Variants in LDHC observed in about 807,000 individuals in gnomAD.
LDHC encodes the protein L-lactate dehydrogenase C chain.
A neutral mutation model predicts 30.2 loss-of-function variants in LDHC; 20 were observed. The ratio of observed to expected loss-of-function variants is 0.66; its 90% CI spans 0.47 to 0.96. The LOEUF (loss-of-function observed/expected upper bound fraction) is 0.96. Among genes scored for constraint, LDHC ranks in the 40% least tolerant of loss-of-function variants. The probability of loss-of-function intolerance (pLI) is 0.00; values close to 1 mark genes in which losing one functional copy is unlikely to be tolerated. For synonymous variants in LDHC, 139 were observed against 132.7 expected (o/e 1.05, Z -0.32); for missense variants, 362 against 394.9 (o/e 0.92, Z 0.71).
intron 5 of LDHC, 114 bp downstream of exon 5, chr11:18,435,027 G>T: frequency 3.2e-6 from 2 of 629,602 alleles, no homozygotes; most frequent in South Asian, 3.3e-5. Context: ...TAATTTTTTT[G>T]GTATTTCCCT....
In LDHC at chr11:18,438,508, T is replaced by C. The variant is rs753741213; in HGVS notation, c.593-20T>C. On this transcript the variant is annotated intron_variant, in intron 5 of 7. Coordinates refer to ENST00000541669, the MANE Select transcript of LDHC (RefSeq NM_017448.5). The stretch of plus-strand genomic sequence containing the variant: ...GCCATATTGGGAAGAAGAGTTTATT[T>C]TGAGATCTGTATTTTTTAGTGCCCT... 2.0e-6 allele frequency: 3 copies of C among 1,482,538 alleles called. No homozygotes were observed. Among genetic ancestry groups the C allele is most frequent in the South Asian group, 1.1e-5 (1 of 87,346 alleles). The allele number at this position is 1,482,538 out of a possible 1,614,324, so 91.8% of individuals were successfully genotyped here.
chr11:18,417,364 T>C (rs1384201953), intron 3 of LDHC, among the ~76,000 whole-genome samples: 2 of 152,218 alleles, frequency 1.3e-5, no homozygotes, highest in Non-Finnish European at 2.9e-5. Flanking sequence ...AAAGTGTTCA[T>C]GAAGCAGTCT....
intron 6 of LDHC, among the ~76,000 whole-genome samples, chr11:18,440,792 ATGG>A (rs1221203369): frequency 1.9e-4 from 2 of 10,528 alleles, no homozygotes; most frequent in Non-Finnish European, 2.3e-4. Flanking sequence ...TTAGCCAGGC[ATGG>A]TGGTATGTCT....
chr11:18,420,037 A>G (rs1867089169), intron 3 of LDHC, among the ~76,000 whole-genome samples: 1 of 152,110 alleles, frequency 6.6e-6, no homozygotes, highest in African/African-American at 2.4e-5. Context: ...GTTGCAGTGA[A>G]CTGAGATGGC....
Position 18,446,150 on chromosome 11 carries a change from TTA to T in LDHC, c.711-58_711-57del, listed in dbSNP as rs928031463. The stretch of plus-strand genomic sequence containing the variant: ...CTTTAAAATGGATGCTTGAAGAATA[TTA>T]TGTTTTCTCTGGGTTGACTTATTAT... On this transcript the variant is annotated intron_variant, in intron 6 of 7. Transcript: ENST00000541669. 8.2e-5 allele frequency: 114 copies of T among 1,390,024 alleles called. 3 individuals are homozygous for T. In the Middle Eastern group the frequency reaches 8.9e-4, roughly 11 times the overall value. The allele number at this position is 1,390,024 out of a possible 1,614,324, so 86.1% of individuals were successfully genotyped here. A position where few individuals can be genotyped will look rare whatever the true frequency, so the allele number is the denominator to read the frequency against.
At chr11:18,441,358 G>A (rs922256461) in intron 6 of LDHC, among the ~76,000 whole-genome samples, 11 of 151,144 alleles carry the variant, frequency 7.3e-5, no homozygotes, top group African/African-American at 1.9e-4. Context: ...TTGCTTTGTC[G>A]CCAGGCTGGA....
chr11:18,425,232 A>G (rs1462031977), intron 3 of LDHC, among the ~76,000 whole-genome samples: 1 of 151,918 alleles, frequency 6.6e-6, no homozygotes, highest in Non-Finnish European at 1.5e-5. Flanking sequence ...GCTAGAGTTC[A>G]GGGGTGTGAT....
In LDHC at chr11:18,446,315, A is replaced by G. The variant is rs1226938805; in HGVS notation, c.816A>G (p.Pro272=). 2 of 1,606,488 alleles carry G rather than the reference A, an allele frequency of 1.2e-6. No homozygotes were observed. The highest frequency in any genetic ancestry group is 1.7e-6 in the Non-Finnish European group (2 of 1,173,542). ...TGAAAAATCTTAGGAGAGTGCACCC[A>G]GTTTCCACCATGGTTAAGGTAGGCT... is the stretch of plus-strand genomic sequence containing the variant. ...SILKNLRRVH[P]VSTMVKGLYG... is the part of the protein sequence containing the mutation. Residue 272 remains proline, a synonymous_variant, in exon 7 of 8, where the codon CCA becomes CCG. Transcript: ENST00000541669.
chr11:18,446,061 G>A, intron 6 of LDHC, 149 bp from the exon 7 acceptor site: 1 of 625,578 alleles, frequency 1.6e-6, no homozygotes, highest in Non-Finnish European at 2.7e-6. Flanking sequence ...TTTGTTGCCT[G>A]TTTATAAATT....
At chr11:18,423,535 A>T (rs955673473) in intron 3 of LDHC, among the ~76,000 whole-genome samples, 4 of 152,212 alleles carry the variant, frequency 2.6e-5, no homozygotes, top group African/African-American at 9.6e-5. Flanking sequence ...TACCACACAC[A>T]CACCCTACCT....
intron 3 of LDHC, among the ~76,000 whole-genome samples, chr11:18,428,166 C>CTTTTTTTTTTTTTTT (rs35861956): frequency 2.1e-5 from 2 of 94,830 alleles, no homozygotes; most frequent in Non-Finnish European, 3.9e-5. Context: ...CTTTCTCTCT[C>CTTTTTTTTTTTTTTT]TTTTTTTTTT....
chr11:18,443,779 A>T (rs1434287156), intron 6 of LDHC, among the ~76,000 whole-genome samples: 2 of 152,020 alleles, frequency 1.3e-5, no homozygotes, highest in Non-Finnish European at 2.9e-5. Flanking sequence ...TTAATTTGAG[A>T]CACTTGCTTT....
At chr11:18,445,449 G>A (rs555129731) in intron 6 of LDHC, among the ~76,000 whole-genome samples, 37 of 152,144 alleles carry the variant, frequency 2.4e-4, no homozygotes, top group African/African-American at 4.3e-4. Context: ...CACCCACCTC[G>A]GCCTCCCAAA....
At chr11:18,449,722 T>C (rs1848622377) in intron 7 of LDHC, among the ~76,000 whole-genome samples, 1 of 152,102 alleles carries the variant, frequency 6.6e-6, no homozygotes, top group Non-Finnish European at 1.5e-5. Context: ...AGAGAATCCC[T>C]CTGTGGGGAG....
At chr11:18,427,134 G>A (rs976379235) in intron 3 of LDHC, among the ~76,000 whole-genome samples, 1 of 151,976 alleles carries the variant, frequency 6.6e-6, no homozygotes, top group Non-Finnish European at 1.5e-5. Flanking sequence ...GAGGCGGGTA[G>A]ATCATGAGGT....
At chr11:18,431,865 T>G (rs1162551444) in intron 4 of LDHC, among the ~76,000 whole-genome samples, 1 of 152,206 alleles carries the variant, frequency 6.6e-6, no homozygotes, top group Non-Finnish European at 1.5e-5. Flanking sequence ...TCTTCTTTTC[T>G]TGGTTAATCT....
At chr11:18,428,336 A>G (rs1848200794) in intron 3 of LDHC, among the ~76,000 whole-genome samples, 1 of 151,018 alleles carries the variant, frequency 6.6e-6, no homozygotes, top group African/African-American at 2.4e-5. Flanking sequence ...ATGGCTGGCT[A>G]ATTTTTGTAT....
intron 6 of LDHC, among the ~76,000 whole-genome samples, chr11:18,444,290 TTTA>T (rs1288651086): frequency 6.6e-6 from 1 of 152,066 alleles, no homozygotes; most frequent in African/African-American, 2.4e-5. Flanking sequence ...CTCAATCTAT[TTTA>T]TTAATACCTG....
At chr11:18,440,923 A>G (rs905417761) in intron 6 of LDHC, among the ~76,000 whole-genome samples, 1 of 151,266 alleles carries the variant, frequency 6.6e-6, no homozygotes, top group African/African-American at 2.4e-5. Context: ...TGGACAGCAG[A>G]GAAAAATCCT....
Sources: gnomAD v4.1 joint callset for allele counts (sites outside exome capture counted in the v4.1 genomes callset) on GRCh38, gnomAD v4.1.1 for gene constraint, MANE v1.5 for transcripts, NCBI Gene and HGNC (gene_info 2026-07-23, HGNC 2026-07-21) for gene names.